The following ARMC2 variants were observed in gnomAD, a reference collection of about 807,000 sequenced individuals.
ARMC2 encodes armadillo repeat containing 2, also known as armadillo repeat-containing protein 2.
A neutral mutation model predicts 90.3 loss-of-function variants in ARMC2; 67 were observed. The ratio of observed to expected loss-of-function variants is 0.74; its 90% CI spans 0.61 to 0.91. The LOEUF (loss-of-function observed/expected upper bound fraction) is 0.91, where lower values mean the gene tolerates loss of function less well. Ranked by LOEUF, ARMC2 falls within the 40% of genes least tolerant of loss-of-function variation. The probability of loss-of-function intolerance (pLI) is 0.00; values close to 1 mark genes in which losing one functional copy is unlikely to be tolerated. For synonymous variants in ARMC2, 393 were observed against 393.0 expected (o/e 1.00, Z 0.00); for missense variants, 920 against 1,030.9 (o/e 0.89, Z 1.47).
intron 1 of ARMC2, 70 bp from the exon 2 acceptor site, chr6:108,854,154 TG>T: frequency 2.7e-6 from 2 of 751,784 alleles, no homozygotes; most frequent in Non-Finnish European, 4.2e-6. Context: ...AGTATATGGA[TG>T]GGCTTAAGCA....
intron 12 of ARMC2, among the ~76,000 whole-genome samples, chr6:108,948,736 G>C (rs1776975597): frequency 6.6e-6 from 1 of 151,866 alleles, no homozygotes; most frequent in South Asian, 2.1e-4. Context: ...CTACAGAGAT[G>C]ACAGAATCGA....
the ARMC2 span, among the ~76,000 whole-genome samples, chr6:108,987,837 C>A: frequency 2.1e-5 from 3 of 140,704 alleles, no homozygotes; most frequent in African/African-American, 8.1e-5. Context: ...CACACTTTCA[C>A]TCTTTCCCAG....
chr6:108,988,527 C>A, the ARMC2 span: 1 of 1,584,982 alleles, frequency 6.3e-7, no homozygotes. Context: ...GTAAATAAGC[C>A]ACAATAGGCA....
At chr6:108,982,238 T>G in the ARMC2 span, among the ~76,000 whole-genome samples, 3 of 152,348 alleles carry the variant, frequency 2.0e-5, no homozygotes, top group African/African-American at 7.2e-5. Flanking sequence ...CTCACAGTTC[T>G]TAAGACTAGG....
the ARMC2 span, among the ~76,000 whole-genome samples, chr6:108,983,220 C>CAT: frequency 6.6e-6 from 1 of 152,190 alleles, no homozygotes; most frequent in Admixed American, 6.5e-5. Context: ...TCTCCTATCC[C>CAT]ATAGGTTGCC....
At chr6:109,043,334 T>C in the ARMC2 span, among the ~76,000 whole-genome samples, 1 of 152,092 alleles carries the variant, frequency 6.6e-6, no homozygotes, top group East Asian at 1.9e-4. Context: ...CTGGAAGTTC[T>C]AGTCAGGGCA....
At chr6:109,010,569 G>A in the ARMC2 span, among the ~76,000 whole-genome samples, 4 of 152,216 alleles carry the variant, frequency 2.6e-5, no homozygotes, top group Non-Finnish European at 5.9e-5. Flanking sequence ...CCGTGTCTCA[G>A]TGAAAACTAA....
chr6:108,992,037 A>T, the ARMC2 span, among the ~76,000 whole-genome samples: 1 of 152,184 alleles, frequency 6.6e-6, no homozygotes, highest in East Asian at 1.9e-4. Flanking sequence ...TGATGTCTTC[A>T]ATTTCTAATC....
chr6:108,950,463 G>C (rs1198046657), intron 12 of ARMC2, among the ~76,000 whole-genome samples: 1 of 152,166 alleles, frequency 6.6e-6, no homozygotes, highest in Non-Finnish European at 1.5e-5. Flanking sequence ...GTGAGATCAT[G>C]TCCTTTGCAG....
the ARMC2 span, among the ~76,000 whole-genome samples, chr6:108,982,999 G>A: frequency 6.6e-6 from 1 of 151,670 alleles, no homozygotes; most frequent in Non-Finnish European, 1.5e-5. Context: ...TAATTTTTGT[G>A]TAGAGACGGG....
chr6:108,892,236 A>G (rs1771145570), intron 5 of ARMC2, among the ~76,000 whole-genome samples: 1 of 152,152 alleles, frequency 6.6e-6, no homozygotes, highest in Non-Finnish European at 1.5e-5. Context: ...CCACACCCTG[A>G]CAAACTTGGT....
At chr6:108,991,810 C>T in the ARMC2 span, among the ~76,000 whole-genome samples, 3 of 152,174 alleles carry the variant, frequency 2.0e-5, no homozygotes, top group Non-Finnish European at 2.9e-5. Context: ...ACATTTAAGG[C>T]ACACCTAACC....
At chr6:108,860,601 GC>G (rs1438852129) in intron 3 of ARMC2, among the ~76,000 whole-genome samples, 1 of 149,830 alleles carries the variant, frequency 6.7e-6, no homozygotes, top group Non-Finnish European at 1.5e-5. Flanking sequence ...GGCGGAGCTT[GC>G]AGTGAGCCGA....
Position 108,953,371 on chromosome 6 carries a change from G to A in ARMC2, c.1915+20G>A, listed in dbSNP as rs1777343182. On this transcript the variant is annotated intron_variant, in intron 13 of 17. Transcript: ENST00000392644. The stretch of plus-strand genomic sequence containing the variant: ...CGCTGGGTGAGAACCGCAGCCCACT[G>A]GCTGCAGCAGACACAACCAACTTTC... 19 of 1,575,916 alleles carry A rather than the reference G, an allele frequency of 1.2e-5. No individual in the cohort carries two copies. The highest frequency in any genetic ancestry group is 1.6e-5 in the Non-Finnish European group (19 of 1,164,386).
intron 3 of ARMC2, among the ~76,000 whole-genome samples, chr6:108,867,424 G>A (rs186497964): frequency 6.6e-6 from 1 of 152,132 alleles, no homozygotes; most frequent in Non-Finnish European, 1.5e-5. Context: ...AAGAAAAGAT[G>A]GGGGAAAAAA....
chr6:109,040,254 C>T, the ARMC2 span, among the ~76,000 whole-genome samples: 18 of 152,166 alleles, frequency 1.2e-4, no homozygotes, highest in Admixed American at 1.0e-3. Context: ...CAAGTCTCCT[C>T]TCCTTTATAT....
At chr6:108,914,778 A>G (rs1454658066) in intron 10 of ARMC2, among the ~76,000 whole-genome samples, 1 of 152,274 alleles carries the variant, frequency 6.6e-6, no homozygotes, top group East Asian at 1.9e-4. Flanking sequence ...AAATGTAAGC[A>G]ACAAGACTTC....
At chr6:108,987,554 TAGC>T in the ARMC2 span, 6 of 1,583,572 alleles carry the variant, frequency 3.8e-6, no homozygotes, top group Non-Finnish European at 5.2e-6. Flanking sequence ...TCAGGTCATA[TAGC>T]GGGTAATGGC....
At chr6:109,046,133 T>G in the ARMC2 span, among the ~76,000 whole-genome samples, 2 of 152,146 alleles carry the variant, frequency 1.3e-5, no homozygotes, top group Admixed American at 6.5e-5. Flanking sequence ...ACGGTCTCCC[T>G]CTCATGCGGA....
Sources: allele counts gnomAD v4.1 joint callset (sites outside exome capture counted in the v4.1 genomes callset), GRCh38; gene constraint gnomAD v4.1.1; transcripts MANE v1.5; gene names NCBI Gene and HGNC (gene_info 2026-07-23, HGNC 2026-07-21).